The following RORA variants were observed in gnomAD, a reference collection of about 807,000 sequenced individuals.
The protein encoded by RORA is RAR related orphan receptor A.
In RORA, 7 loss-of-function variants were observed where a neutral mutation model predicts 69.5. The ratio of observed to expected loss-of-function variants is 0.10; its 90% CI spans 0.06 to 0.19. The LOEUF is 0.19. Ranked by LOEUF, RORA falls within the 10% of genes least tolerant of loss-of-function variation. RORA has a pLI of 1.00. For synonymous variants in RORA, 261 were observed against 240.8 expected (o/e 1.08, Z -0.78); for missense variants, 457 against 663.0 (o/e 0.69, Z 3.41).
intron 1 of RORA, among the ~76,000 whole-genome samples, chr15:60,696,157 C>A (rs898916145): frequency 6.6e-6 from 1 of 152,214 alleles, no homozygotes; most frequent in Non-Finnish European, 1.5e-5. Context: ...CTTTTCCTCA[C>A]GGTGACATTC....
chr15:61,183,533 C>CAACA, intron 1 of RORA, among the ~76,000 whole-genome samples: 1 of 130,688 alleles, frequency 7.7e-6, no homozygotes, highest in East Asian at 2.2e-4. Flanking sequence ...GAGACTGTTT[C>CAACA]AAAAAAAAAA....
Position 60,886,133 on chromosome 15 carries a change from G to A in RORA, c.167-207447C>T, listed in dbSNP as rs1034537401. Among the ~76,000 whole-genome samples the A allele has an allele frequency of 3.9e-5, 6 of 152,144 alleles. No homozygotes were observed. In the East Asian group the frequency reaches 7.7e-4, roughly 20 times the overall value. On this transcript the variant is annotated intron_variant, in intron 1 of 10. Transcript: ENST00000335670. ...GTATCCAAAAAGTCCTTCAGTAGCC[G>A]AGAAATTGTTATATGTGGAGATTAC...
chr15:60,644,050 A>C (rs1454744468), intron 2 of RORA, among the ~76,000 whole-genome samples: 1 of 152,224 alleles, frequency 6.6e-6, no homozygotes, highest in Non-Finnish European at 1.5e-5. Flanking sequence ...GGGATTAAAA[A>C]AAAAAGATTG....
intron 1 of RORA, among the ~76,000 whole-genome samples, chr15:60,893,657 A>C (rs1891142858): frequency 6.6e-6 from 1 of 152,104 alleles, no homozygotes; most frequent in South Asian, 2.1e-4. Flanking sequence ...CTCCTAAGGG[A>C]AGCGGGGGCT....
chr15:61,127,160 G>A (rs1056493668), intron 1 of RORA, among the ~76,000 whole-genome samples: 1 of 152,146 alleles, frequency 6.6e-6, no homozygotes, highest in East Asian at 1.9e-4. Flanking sequence ...CTGCTTCCAC[G>A]TGTACTTCTG....
At chr15:60,520,590 CTGAT>C (rs1375290250) in intron 3 of RORA, among the ~76,000 whole-genome samples, 5 of 151,986 alleles carry the variant, frequency 3.3e-5, no homozygotes, top group Non-Finnish European at 4.4e-5. Context: ...TAGATTTTGT[CTGAT>C]TGGGGAGAAA....
At chr15:60,517,013 A>C (rs2065982473) in intron 3 of RORA, among the ~76,000 whole-genome samples, 1 of 149,816 alleles carries the variant, frequency 6.7e-6, no homozygotes, top group South Asian at 2.1e-4. Context: ...ACACCCATAT[A>C]TTTACTATAA....
chr15:60,564,095 A>C (rs954065558), intron 2 of RORA, among the ~76,000 whole-genome samples: 1 of 152,186 alleles, frequency 6.6e-6, no homozygotes, highest in Admixed American at 6.5e-5. Flanking sequence ...GCATGCTTAC[A>C]ATTGGTATAC....
At chr15:60,830,780 A>C (rs926805565) in intron 1 of RORA, among the ~76,000 whole-genome samples, 7 of 152,222 alleles carry the variant, frequency 4.6e-5, no homozygotes, top group African/African-American at 1.7e-4. Flanking sequence ...ACACAAGAAA[A>C]CAGGCACAGA....
chr15:60,541,284 C>T (rs980289219), intron 2 of RORA, among the ~76,000 whole-genome samples: 10 of 151,948 alleles, frequency 6.6e-5, no homozygotes, highest in Non-Finnish European at 1.5e-4. Flanking sequence ...CTTTCAAATA[C>T]ATCACAGATG....
intron 1 of RORA, among the ~76,000 whole-genome samples, chr15:61,192,632 G>T (rs148611731): frequency 8.4e-4 from 128 of 152,336 alleles, no homozygotes; most frequent in African/African-American, 2.9e-3. Context: ...GGCAGTGAGT[G>T]AGTCTATTGC....
At chr15:61,083,930 T>G (rs538187906) in intron 1 of RORA, among the ~76,000 whole-genome samples, 1 of 152,322 alleles carries the variant, frequency 6.6e-6, no homozygotes, top group East Asian at 1.9e-4. Context: ...AAACAAACCC[T>G]GAGCCACTCA....
chr15:61,186,640 CAAAAAAAAAAAAAA>C (rs58380679), intron 1 of RORA, among the ~76,000 whole-genome samples: 2 of 67,612 alleles, frequency 3.0e-5, no homozygotes, highest in African/African-American at 1.1e-4. Flanking sequence ...GACCCTGACT[CAAAAAAAAAAAAAA>C]AAAAAAAAAA....
rs73430063 is a variant in RORA at position 60,876,209 on chromosome 15, A to T, written c.167-197523T>A. ...TAATTGTGAATGTGACAGCTAGAGT[A>T]CAGAGAATTAATTTCCTGAGGTTGG... is the stretch of plus-strand genomic sequence containing the variant. On this transcript the variant is annotated intron_variant, in intron 1 of 10. Coordinates refer to ENST00000335670, the MANE Select transcript of RORA (RefSeq NM_134261.3). Among the ~76,000 whole-genome samples the T allele has an allele frequency of 2.5e-3, 378 of 151,746 alleles. 2 individuals are homozygous for T. The highest frequency in any genetic ancestry group is 8.8e-3 in the African/African-American group (366 of 41,394).
rs558063414 is a variant in RORA at position 61,128,338 on chromosome 15, GA to G, written c.166+100714del. On this transcript the variant is annotated intron_variant, in intron 1 of 10. Coordinates refer to ENST00000335670, the MANE Select transcript of RORA (RefSeq NM_134261.3). This position sits in a 1 kb window ranked among gnomAD's most constrained non-coding sequence, Gnocchi z 4.5. ...ATTTTTTAAACTGCAAATACAGAAA[GA>G]AAAAAAAAATCTAAACAGTATATAA... Among the ~76,000 whole-genome samples the G allele has an allele frequency of 8.5e-3, 1,263 of 148,440 alleles. 3 individuals are homozygous for G. Among genetic ancestry groups the G allele is most frequent in the Middle Eastern group, 0.028 (8 of 288 alleles).
chr15:60,929,691 C>A (rs1892319839), intron 1 of RORA, among the ~76,000 whole-genome samples: 1 of 152,144 alleles, frequency 6.6e-6, no homozygotes, highest in South Asian at 2.1e-4. Flanking sequence ...CCCAGAATCG[C>A]CATATCAGGA....
chr15:61,149,183 C>T (rs1400458934), intron 1 of RORA, among the ~76,000 whole-genome samples: 3 of 152,188 alleles, frequency 2.0e-5, no homozygotes, highest in Non-Finnish European at 4.4e-5. Context: ...CGCCAGCTTC[C>T]ACCAGAAATC....
chr15:61,062,549 C>T (rs985416817), intron 1 of RORA, among the ~76,000 whole-genome samples: 1 of 152,072 alleles, frequency 6.6e-6, no homozygotes, highest in Non-Finnish European at 1.5e-5. Context: ...AAGAGCAGGG[C>T]GAGTGATTCA....
intron 1 of RORA, among the ~76,000 whole-genome samples, chr15:61,196,728 T>C (rs1206389940): frequency 2.0e-5 from 3 of 152,206 alleles, no homozygotes; most frequent in Admixed American, 6.5e-5. Flanking sequence ...ATAATTAAGA[T>C]ATTTAAAAAG....
Sources: allele counts gnomAD v4.1 joint callset (sites outside exome capture counted in the v4.1 genomes callset), GRCh38; gene constraint gnomAD v4.1.1; non-coding constraint Gnocchi (gnomAD v3.1); transcripts MANE v1.5; gene names NCBI Gene and HGNC (gene_info 2026-07-23, HGNC 2026-07-21).